ZNF577: variants seen among roughly 807,000 people sequenced by gnomAD.
ZNF577 encodes the protein zinc finger protein 577.
In ZNF577, 14 loss-of-function variants were observed where a neutral mutation model predicts 13.9. That is an observed-to-expected ratio of 1.00 (90% CI 0.66 to 1.57). The LOEUF is 1.57. Among genes scored for constraint, ZNF577 ranks in the 40% most tolerant of loss-of-function variants. The pLI is 0.00. For synonymous variants in ZNF577, 203 were observed against 202.9 expected (o/e 1.00, Z 0.00); for missense variants, 555 against 579.2 (o/e 0.96, Z 0.43).
chr19:51,823,972 G>C, intron 9 of ZNF577: 1 of 1,614,024 alleles, frequency 6.2e-7, no homozygotes, highest in Non-Finnish European at 8.5e-7. Flanking sequence ...TTCTCTTTCA[G>C]TGCCATCCTA....
chr19:51,850,408 G>A (rs2084373827), intron 5 of ZNF577, among the ~76,000 whole-genome samples: 1 of 152,136 alleles, frequency 6.6e-6, no homozygotes, highest in African/African-American at 2.4e-5. Context: ...TTCCCTTATT[G>A]GCATTATTCT....
chr19:51,884,034 AC>A (rs2084904872), intron 1 of ZNF577, among the ~76,000 whole-genome samples: 1 of 152,248 alleles, frequency 6.6e-6, no homozygotes, highest in African/African-American at 2.4e-5. Context: ...AGATAACGCC[AC>A]TGCAGTCCGG....
intron 9 of ZNF577, among the ~76,000 whole-genome samples, chr19:51,813,143 C>CACACACACAT (rs1568429899): frequency 6.6e-6 from 1 of 151,532 alleles, no homozygotes; most frequent in Admixed American, 6.6e-5. Flanking sequence ...CACACACACA[C>CACACACACAT]ACACACACAC....
chr19:51,880,873 A>G lies in ZNF577; in HGVS notation c.-214T>C, dbSNP rs2084851677. ...TGAAAATGTCTTGTTCCTATAGGCC[A>G]GAACCTGTGGATTCAAGACCAAATT... On this transcript the variant is annotated 5_prime_UTR_variant, in exon 2 of 6. Coordinates refer to ENST00000638348, the MANE Select transcript of ZNF577 (RefSeq NM_001370449.1). 1 of 156,258 alleles carries G rather than the reference A, an allele frequency of 6.4e-6. No individual in the cohort carries two copies. The highest frequency in any genetic ancestry group is 1.4e-5 in the Non-Finnish European group (1 of 70,446). 9.7% of individuals were successfully genotyped at this position (156,258 alleles called of 1,614,324 possible).
chr19:51,871,866 C>CAA lies in ZNF577; in HGVS notation c.*664_*665dup, dbSNP rs1358745311. On this transcript the variant is annotated 3_prime_UTR_variant, in exon 6 of 6. Coordinates refer to ENST00000638348, the MANE Select transcript of ZNF577 (RefSeq NM_001370449.1). ...CCTCCAAAAAGAAAAGCAGCCCTGT[C>CAA]AACAGCTTGATGTAGCCCCGTGAGA... 2.0e-5 allele frequency: 3 copies of CAA among 152,308 alleles called. No individual in the cohort carries two copies. Among genetic ancestry groups the CAA allele is most frequent in the Non-Finnish European group, 4.4e-5 (3 of 68,036 alleles). The allele number at this position is 152,308 out of a possible 1,614,324, so 9.4% of individuals were successfully genotyped here. A position where few individuals can be genotyped will look rare whatever the true frequency, so the allele number is the denominator to read the frequency against.
At chr19:51,812,137 A>T (rs553111635) in intron 9 of ZNF577, among the ~76,000 whole-genome samples, 6 of 152,378 alleles carry the variant, frequency 3.9e-5, no homozygotes, top group Non-Finnish European at 8.8e-5. Flanking sequence ...GACATAATAA[A>T]TAATACATTA....
chr19:51,820,981 A>G (rs17761865), intron 9 of ZNF577, among the ~76,000 whole-genome samples: 20,042 of 152,194 alleles, frequency 0.13, 1,528 homozygotes, highest in South Asian at 0.29. Context: ...CATAAGTAGT[A>G]GCCACTATTG....
At chr19:51,876,949 C>T (rs1334023114) in intron 5 of ZNF577, among the ~76,000 whole-genome samples, 1 of 145,968 alleles carries the variant, frequency 6.9e-6, no homozygotes, top group Admixed American at 6.8e-5. Context: ...AAAAAGGCAA[C>T]ATAATCCAGA....
At chr19:51,830,269 C>T (rs1193082332) in intron 9 of ZNF577, among the ~76,000 whole-genome samples, 2 of 152,138 alleles carry the variant, frequency 1.3e-5, no homozygotes, top group African/African-American at 4.8e-5. Context: ...TTGCCATCAG[C>T]ATATACATCT....
At chr19:51,820,286 T>C (rs934357359) in intron 9 of ZNF577, among the ~76,000 whole-genome samples, 1 of 152,234 alleles carries the variant, frequency 6.6e-6, no homozygotes, top group Non-Finnish European at 1.5e-5. Context: ...GTTGTACCTC[T>C]CAATAATTGT....
chr19:51,874,845 A>G (rs976769189), intron 5 of ZNF577, among the ~76,000 whole-genome samples: 7 of 152,200 alleles, frequency 4.6e-5, no homozygotes, highest in Non-Finnish European at 1.0e-4. Context: ...GAACATAAGT[A>G]TGGAGGAGGA....
chr19:51,857,386 G>GAAAGAAAA, intron 5 of ZNF577, among the ~76,000 whole-genome samples: 1 of 112,502 alleles, frequency 8.9e-6, no homozygotes. Flanking sequence ...AAGAAAGAAA[G>GAAAGAAAA]AAAGAAAGAA....
chr19:51,806,268 A>T (rs1030438119), intron 10 of ZNF577, among the ~76,000 whole-genome samples: 1 of 152,070 alleles, frequency 6.6e-6, no homozygotes, highest in Non-Finnish European at 1.5e-5. Flanking sequence ...GGTTGCAAGC[A>T]CCTTGAGGGC....
At chr19:51,812,210 C>T (rs1248029849) in intron 9 of ZNF577, among the ~76,000 whole-genome samples, 11 of 152,144 alleles carry the variant, frequency 7.2e-5, no homozygotes, top group Non-Finnish European at 1.6e-4. Context: ...CTTAGTCCCC[C>T]AGTTAAGATA....
chr19:51,835,641 A>G (rs757977517), intron 9 of ZNF577, among the ~76,000 whole-genome samples: 1 of 152,228 alleles, frequency 6.6e-6, no homozygotes, highest in African/African-American at 2.4e-5. Context: ...TTTTTATTTT[A>G]ACCAATATTT....
intron 1 of ZNF577, among the ~76,000 whole-genome samples, chr19:51,881,512 G>T (rs1208271709): frequency 1.3e-5 from 2 of 152,144 alleles, no homozygotes; most frequent in Non-Finnish European, 2.9e-5. Flanking sequence ...GTAAGCTGAG[G>T]CTTGCTGAGA....
chr19:51,851,863 A>G (rs2084380292), intron 5 of ZNF577, among the ~76,000 whole-genome samples: 1 of 152,132 alleles, frequency 6.6e-6, no homozygotes. Flanking sequence ...TTGTAAACAC[A>G]ATGATGTCTT....
Position 51,869,080 on chromosome 19 carries a change from G to A in ZNF577, c.*3452C>T, listed in dbSNP as rs1479253974. On this transcript the variant is annotated 3_prime_UTR_variant, in exon 6 of 6. Transcript: ENST00000638348. ...TCCCCACTGAGACAGCCTGAGATAT[G>A]GCCTCGTGGGAAGGGAAAGACCTGA... Among the ~76,000 whole-genome samples the A allele has an allele frequency of 6.6e-6, 1 of 152,156 alleles. No individual in the cohort carries two copies. Among genetic ancestry groups the A allele is most frequent in the African/African-American group, 2.4e-5 (1 of 41,426 alleles).
At chr19:51,810,045 C>T (rs1209040058) in intron 10 of ZNF577, among the ~76,000 whole-genome samples, 1 of 152,208 alleles carries the variant, frequency 6.6e-6, no homozygotes, top group East Asian at 1.9e-4. Flanking sequence ...GGGTGGGGCA[C>T]TGCATTGTAA....
Sources: gnomAD v4.1 joint callset for allele counts (sites outside exome capture counted in the v4.1 genomes callset) on GRCh38, gnomAD v4.1.1 for gene constraint, MANE v1.5 for transcripts, NCBI Gene and HGNC (gene_info 2026-07-23, HGNC 2026-07-21) for gene names.